The following PALM2AKAP2 variants were observed in gnomAD, a reference collection of about 807,000 sequenced individuals.
PALM2AKAP2 encodes PALM2 and AKAP2 fusion, also known as PALM2-AKAP2 fusion protein.
PALM2AKAP2 carries 37 observed loss-of-function variants against 71.5 expected under a neutral mutation model. The ratio of observed to expected loss-of-function variants is 0.52; its 90% CI spans 0.40 to 0.68. The LOEUF (loss-of-function observed/expected upper bound fraction) is 0.68. Ranked by LOEUF, PALM2AKAP2 falls within the 30% of genes least tolerant of loss-of-function variation. The probability of loss-of-function intolerance (pLI) is 0.00; values close to 1 mark genes in which losing one functional copy is unlikely to be tolerated. For synonymous variants in PALM2AKAP2, 468 were observed against 478.8 expected (o/e 0.98, Z 0.29); for missense variants, 1,224 against 1,191.8 (o/e 1.03, Z -0.40).
At chr9:109,950,578 T>A (rs1831613342) in intron 6 of PALM2AKAP2, among the ~76,000 whole-genome samples, 1 of 152,198 alleles carries the variant, frequency 6.6e-6, no homozygotes, top group African/African-American at 2.4e-5. Context: ...TGAGACTCTC[T>A]TCCCAAGCAT....
intron 1 of PALM2AKAP2, among the ~76,000 whole-genome samples, chr9:110,050,183 CCT>C (rs1455614190): frequency 1.3e-5 from 2 of 152,172 alleles, no homozygotes; most frequent in African/African-American, 4.8e-5. Context: ...CGTCTATACA[CCT>C]CTCTCTGTAT....
At chr9:109,729,919 A>G (rs905781919) in intron 1 of PALM2AKAP2, among the ~76,000 whole-genome samples, 1 of 152,238 alleles carries the variant, frequency 6.6e-6, no homozygotes, top group African/African-American at 2.4e-5. Flanking sequence ...CAAATTAATA[A>G]AAGAGCATGG....
intron 4 of PALM2AKAP2, among the ~76,000 whole-genome samples, 185 bp from the exon 5 acceptor site, chr9:109,924,876 G>A (rs1830916386): frequency 6.6e-6 from 1 of 152,136 alleles, no homozygotes; most frequent in South Asian, 2.1e-4. Context: ...GTATAAATTG[G>A]GAATTATAAT....
chr9:110,162,763 T>C (rs1836633765), intron 3 of PALM2AKAP2, among the ~76,000 whole-genome samples: 1 of 152,208 alleles, frequency 6.6e-6, no homozygotes. Context: ...AGTACAGTGG[T>C]GCAATCATAG....
At chr9:109,824,786 A>G (rs888390576) in intron 1 of PALM2AKAP2, among the ~76,000 whole-genome samples, 1 of 152,264 alleles carries the variant, frequency 6.6e-6, no homozygotes, top group East Asian at 1.9e-4. Flanking sequence ...AAGAGATTTA[A>G]CAGCTGTGTC....
chr9:109,780,795 G>T (rs1047995674), intron 1 of PALM2AKAP2, among the ~76,000 whole-genome samples: 5 of 152,148 alleles, frequency 3.3e-5, no homozygotes, highest in Admixed American at 1.3e-4. Context: ...TTTGGGGAAG[G>T]ACTAAACAGA....
intron 1 of PALM2AKAP2, among the ~76,000 whole-genome samples, chr9:109,788,632 A>G (rs1318372076): frequency 1.9e-4 from 29 of 152,170 alleles, no homozygotes. Flanking sequence ...TAGTAAAGGA[A>G]GATTATGACC....
intron 1 of PALM2AKAP2, among the ~76,000 whole-genome samples, chr9:109,780,872 A>G (rs1829433893): frequency 6.6e-6 from 1 of 152,210 alleles, no homozygotes; most frequent in Non-Finnish European, 1.5e-5. Flanking sequence ...TTGGCTTCAT[A>G]GCCTGGAGAA....
chr9:109,883,121 C>T (rs1254965107), intron 3 of PALM2AKAP2, among the ~76,000 whole-genome samples: 1 of 152,138 alleles, frequency 6.6e-6, no homozygotes, highest in Non-Finnish European at 1.5e-5. Flanking sequence ...GACTCAGTTT[C>T]TGGGTAAATT....
At chr9:109,740,492 GCAA>G (rs1018230772) in intron 1 of PALM2AKAP2, among the ~76,000 whole-genome samples, 2 of 152,132 alleles carry the variant, frequency 1.3e-5, no homozygotes, top group African/African-American at 4.8e-5. Flanking sequence ...CCAGACAGAG[GCAA>G]CAACAAGGAC....
chr9:109,764,714 A>T (rs1163355461), intron 1 of PALM2AKAP2, among the ~76,000 whole-genome samples: 2 of 152,140 alleles, frequency 1.3e-5, no homozygotes, highest in East Asian at 1.9e-4. Context: ...TGACTGGTGG[A>T]TGGATGGATG....
chr9:109,998,196 G>C (rs1832610378), intron 6 of PALM2AKAP2, among the ~76,000 whole-genome samples: 1 of 152,196 alleles, frequency 6.6e-6, no homozygotes, highest in Non-Finnish European at 1.5e-5. Context: ...ATATGATTTT[G>C]TCCAGGAAGA....
chr9:109,938,528 C>A (rs1831283287), intron 6 of PALM2AKAP2, among the ~76,000 whole-genome samples: 1 of 151,894 alleles, frequency 6.6e-6, no homozygotes, highest in South Asian at 2.1e-4. Context: ...TATTAAAATT[C>A]TTAAAATATT....
At chr9:110,020,245 T>TA (rs1833049968) in intron 7 of PALM2AKAP2, among the ~76,000 whole-genome samples, 1 of 152,246 alleles carries the variant, frequency 6.6e-6, no homozygotes, top group Non-Finnish European at 1.5e-5. Flanking sequence ...TTAGTATTTA[T>TA]AAATTTTCTT....
At chr9:109,870,628 A>G (rs1446047522) in intron 2 of PALM2AKAP2, among the ~76,000 whole-genome samples, 2 of 152,234 alleles carry the variant, frequency 1.3e-5, no homozygotes, top group African/African-American at 2.4e-5. Context: ...CATAGAGACT[A>G]TAAATGAGGG....
exon 2 of PALM2AKAP2, chr9:110,138,128 TCTC>T: frequency 1.2e-6 from 2 of 1,613,994 alleles, no homozygotes; most frequent in East Asian, 2.2e-5. Context: ...TCAGGTGTCT[TCTC>T]CTGTTCAAGA....
chr9:110,170,512 A>C lies in PALM2AKAP2; in HGVS notation c.*2015A>C, dbSNP rs955685991. The stretch of plus-strand genomic sequence containing the variant: ...CCATCTACTAACAAGGATCCTTTAA[A>C]ACTGCCAAGGGAGCTCTAACTTGAA... On this transcript the variant is annotated 3_prime_UTR_variant, in exon 4 of 4. Coordinates refer to ENST00000374525, the Ensembl canonical transcript of PALM2AKAP2. 2.0e-5 allele frequency: 3 copies of C among 152,248 alleles called. No individual in the cohort carries two copies. In the East Asian group the frequency reaches 5.8e-4, roughly 29 times the overall value. 9.4% of individuals were successfully genotyped at this position (152,248 alleles called of 1,614,324 possible).
At chr9:109,977,453 C>T (rs1267323072) in intron 6 of PALM2AKAP2, among the ~76,000 whole-genome samples, 1 of 152,178 alleles carries the variant, frequency 6.6e-6, no homozygotes, top group Non-Finnish European at 1.5e-5. Flanking sequence ...CAGCCCATGT[C>T]CCACCACTTC....
At chr9:110,138,623 C>G in intron 2 of PALM2AKAP2, 84 bp downstream of exon 8, 1 of 1,457,844 alleles carries the variant, frequency 6.9e-7, no homozygotes, top group Non-Finnish European at 9.0e-7. Flanking sequence ...TATGTGGAGC[C>G]TCCTCTGTGT....
Sources: allele counts gnomAD v4.1 joint callset (sites outside exome capture counted in the v4.1 genomes callset), GRCh38; gene constraint gnomAD v4.1.1; transcripts MANE v1.5; gene names NCBI Gene and HGNC (gene_info 2026-07-23, HGNC 2026-07-21).